GALK1: variants seen among roughly 807,000 people sequenced by gnomAD.
The protein encoded by GALK1 is galactokinase 1, also known as galactokinase.
A neutral mutation model predicts 38.6 loss-of-function variants in GALK1; 30 were observed. That is an observed-to-expected ratio of 0.78 (90% CI 0.58 to 1.05). The LOEUF (loss-of-function observed/expected upper bound fraction) is 1.05. Ranked by LOEUF, GALK1 falls within the 50% of genes least tolerant of loss-of-function variation. The pLI, the probability that GALK1 is intolerant of heterozygous loss-of-function variation, is 0.00. For synonymous variants in GALK1, 240 were observed against 233.6 expected, an observed-to-expected ratio of 1.03 and a Z score of -0.25; for missense variants, 512 against 540.5, an observed-to-expected ratio of 0.95 and a Z score of 0.52.
chr17:75,764,904 G>T, intron 1 of GALK1, 68 bp downstream of exon 1: 2 of 1,536,846 alleles, frequency 1.3e-6, no homozygotes, highest in Non-Finnish European at 1.8e-6. Flanking sequence ...CAGCGTCCCC[G>T]AGGCCCGCCC....
intron 5 of GALK1, 41 bp from the exon 6 acceptor site, chr17:75,758,640 C>T: frequency 6.4e-7 from 1 of 1,558,722 alleles, no homozygotes; most frequent in Non-Finnish European, 8.6e-7. Flanking sequence ...TTCTCACTGC[C>T]TGGGGCCCCG....
Position 75,763,930 on chromosome 17 carries a change from T to C in GALK1, c.322A>G (p.Asn108Asp). 6.2e-7 allele frequency: 1 copy of C among 1,613,742 alleles called. No homozygotes were observed. Among genetic ancestry groups the C allele is most frequent in the South Asian group, 1.1e-5 (1 of 91,072 alleles). The change falls in exon 2 of 8, where the codon AAC (asparagine) becomes GAC (aspartate). Residue 108 changes from asparagine (N) to aspartate (D), a missense_variant. Transcript: ENST00000588479. ...SLEPGTPRWANYVKGVIQYYP... is the reference protein window; with the variant it reads ...SLEPGTPRWADYVKGVIQYYP... Reference sequence around the variant, plus strand: ...TACTGAATCACTCCCTTGACATAGTTGGCCCACCGAGGAGTCCCAGGCTCC... The same window carrying C: ...TACTGAATCACTCCCTTGACATAGTCGGCCCACCGAGGAGTCCCAGGCTCC...
At chr17:75,755,920 G>T (rs2061489026), downstream of GALK1, 2 of 1,544,518 alleles carry the variant, frequency 1.3e-6, no homozygotes, top group Admixed American at 1.9e-5. Flanking sequence ...GACACATAGG[G>T]TACCTCAGCT....
chr17:75,752,095 G>C, intron 8 of GALK1: 4 of 1,482,266 alleles, frequency 2.7e-6, no homozygotes, highest in Non-Finnish European at 3.8e-6. Flanking sequence ...GGGATGCACG[G>C]CCGTCCTGCT....
chr17:75,763,529 G>A (rs1254867596), intron 2 of GALK1, 90 bp from the exon 3 acceptor site: 34 of 1,390,302 alleles, frequency 2.4e-5, no homozygotes, highest in East Asian at 1.0e-4. Flanking sequence ...GGGCAGCAAC[G>A]GCCTAGCAGC....
chr17:75,755,077 C>T (rs764440115), downstream of GALK1: 19 of 1,599,854 alleles, frequency 1.2e-5, no homozygotes, highest in East Asian at 1.4e-4. Flanking sequence ...TCTGGGAACA[C>T]GGGAGGAGCA....
In GALK1 at chr17:75,764,952, C is replaced by G. The variant is rs1207240930; in HGVS notation, c.165+20G>C. The G allele has an allele frequency of 6.2e-7, 1 of 1,600,980 alleles. No homozygotes were observed. The highest frequency in any genetic ancestry group is 1.3e-5 in the African/African-American group (1 of 74,708). On this transcript the variant is annotated intron_variant, in intron 1 of 7. Transcript: ENST00000588479. ...GGGACAGGCGGCGGCGGGCTAGGGG[C>G]TCCCCGTGCAGCCCCTCACCATAGG...
At chr17:75,755,848 G>A (rs1568385870), downstream of GALK1, 5 of 1,603,288 alleles carry the variant, frequency 3.1e-6, no homozygotes, top group Non-Finnish European at 4.2e-6. Flanking sequence ...CTGCTGAACG[G>A]CGGTGAGGCA....
intron 8 of GALK1, chr17:75,751,744 A>T (rs770283464): frequency 4.2e-6 from 1 of 237,928 alleles, no homozygotes; most frequent in Admixed American, 5.2e-5. Context: ...CCGTCTAAAA[A>T]TAAATAAATA....
rs747793390 is a variant in GALK1 at position 75,758,080 on chromosome 17, A to C, written c.1155T>G (p.Asp385Glu). ...TATFYLSQAA[D>E]GAKVLCL ...CTCACAAGCACAGCACCTTGGCTCC[A>C]TCGGCTGCTTGAGAGAGGTAGAAGG... Residue 385 changes from aspartate (D) to glutamate (E), a missense_variant, in exon 8 of 8, where the codon GAT (aspartate) becomes GAG (glutamate). Transcript: ENST00000588479. 7 of 1,612,568 alleles carry C rather than the reference A, an allele frequency of 4.3e-6. No individual in the cohort carries two copies. Among genetic ancestry groups the C allele is most frequent in the Non-Finnish European group, 5.9e-6 (7 of 1,179,942 alleles).
chr17:75,761,744 A>C (rs1328072142), intron 5 of GALK1, among the ~76,000 whole-genome samples: 1 of 148,528 alleles, frequency 6.7e-6, no homozygotes, highest in Non-Finnish European at 1.5e-5. Context: ...AGAGACCGGC[A>C]CTATGGCTCA....
In GALK1 at chr17:75,762,762, T is replaced by A. The variant is rs561544412; in HGVS notation, c.735A>T (p.Glu245Asp). 4.3e-6 allele frequency: 7 copies of A among 1,613,944 alleles called. No homozygotes were observed. The East Asian group carries it at 1.1e-4, about 26-fold the overall frequency. ...TTTCCTTGCCCAGCGCCCGGGCCAC[T>A]TCTTCACATTGGCGCCGCCGCACAG... The part of the protein sequence containing the change: ...EYPVRRRQCE[E>D]VARALGKESL... Residue 245 changes from glutamate to aspartate, a missense_variant, in exon 5 of 8, where the codon GAA becomes GAT. Transcript: ENST00000588479.
chr17:75,753,644 C>A (rs2061418886), downstream of GALK1: 4 of 619,384 alleles, frequency 6.5e-6, no homozygotes, highest in South Asian at 7.0e-5. Context: ...CCAACACACA[C>A]CCCGGGATCC....
Position 75,763,964 on chromosome 17 carries a change from C to A in GALK1, c.288G>T (p.Gln96His). ...GAGGAGTCCCAGGCTCCAGCGAGCGCTGGGCTGTGGGCAGTGGAAACTGCA... is the reference window on the plus strand; with the variant it reads ...GAGGAGTCCCAGGCTCCAGCGAGCGATGGGCTGTGGGCAGTGGAAACTGCA... ...QRLQFPLPTAQRSLEPGTPRW... is the reference protein window; with the variant it reads ...QRLQFPLPTAHRSLEPGTPRW... Residue 96 changes from glutamine (Q) to histidine (H), a missense_variant, in exon 2 of 8, where the codon CAG becomes CAT. By Grantham distance (24) the Gln-to-His change is conservative (BLOSUM62 0). Transcript: ENST00000588479. 6.2e-7 allele frequency: 1 copy of A among 1,613,340 alleles called. No homozygotes were observed. The highest frequency in any genetic ancestry group is 8.5e-7 in the Non-Finnish European group (1 of 1,179,950).
rs148557440 is a variant in GALK1, at chr17:75,762,855, C to T, written c.642G>A (p.Ser214=). The T allele has an allele frequency of 2.0e-5, 32 of 1,613,374 alleles. No homozygotes were observed. Among genetic ancestry groups the T allele is most frequent in the Middle Eastern group, 3.3e-4 (2 of 6,082 alleles). Residue 214 remains serine (S), a synonymous_variant, in exon 5 of 8, where the codon TCG becomes TCA. Transcript: ENST00000588479. ...TGATGAGCACGGCCAGCTTGGGGTC[C>T]GAGAGTGGCACCAGGCTGGTCTCCA... ...RSLETSLVPL[S]DPKLAVLITN...
In GALK1 at chr17:75,763,919, C is replaced by A; in HGVS notation, c.333G>T (p.Lys111Asn). 6.2e-7 allele frequency: 1 copy of A among 1,613,852 alleles called. No individual in the cohort carries two copies. Among genetic ancestry groups the A allele is most frequent in the South Asian group, 1.1e-5 (1 of 91,068 alleles). Residue 111 changes from lysine (K) to asparagine (N), a missense_variant, in exon 2 of 8, where the codon AAG becomes AAT. By Grantham distance (94) the Lys-to-Asn change is moderately conservative. Coordinates refer to ENST00000588479, the MANE Select transcript of GALK1 (RefSeq NM_000154.2). The stretch of plus-strand genomic sequence containing the variant: ...TACCTGGGTAGTACTGAATCACTCC[C>A]TTGACATAGTTGGCCCACCGAGGAG... ...PGTPRWANYVKGVIQYYPAAP... is the reference protein window; with the variant it reads ...PGTPRWANYVNGVIQYYPAAP...
downstream of GALK1, chr17:75,753,843 T>C (rs372879741): frequency 6.3e-6 from 9 of 1,427,732 alleles, no homozygotes; most frequent in Non-Finnish European, 8.3e-6. Flanking sequence ...CCCCCGGAGC[T>C]CATCCCGCGC....
At chr17:75,761,566 G>A (rs868412772) in intron 5 of GALK1, among the ~76,000 whole-genome samples, 5 of 146,722 alleles carry the variant, frequency 3.4e-5, no homozygotes, top group Admixed American at 1.4e-4. Flanking sequence ...GCAGTGAGCC[G>A]AGATTGCGCC....
At chr17:75,752,027 C>G in intron 8 of GALK1, 1 of 856,184 alleles carries the variant, frequency 1.2e-6, no homozygotes, top group Middle Eastern at 2.4e-4. Context: ...GCTCCGCAGG[C>G]GGCAATTCAG....
Sources: allele counts gnomAD v4.1 joint callset (sites outside exome capture counted in the v4.1 genomes callset), GRCh38; gene constraint gnomAD v4.1.1; transcripts MANE v1.5; gene names NCBI Gene and HGNC (gene_info 2026-07-23, HGNC 2026-07-21).